The following VTI1A variants were observed in gnomAD, a reference collection of about 807,000 sequenced individuals.
The protein encoded by VTI1A is vesicle transport through interaction with t-SNAREs 1A, also known as vesicle transport through interaction with t-SNAREs homolog 1A.
VTI1A carries 22 observed loss-of-function variants against 34.9 expected under a neutral mutation model. That is an observed-to-expected ratio of 0.63 (90% CI 0.45 to 0.90). VTI1A has a LOEUF of 0.90. Among genes scored for constraint, VTI1A ranks in the 40% least tolerant of loss-of-function variants. The pLI is 0.00. For missense variants in VTI1A, 268 were observed against 275.6 expected (o/e 0.97, Z 0.20); for synonymous variants, 87 against 97.3 (o/e 0.89, Z 0.62).
chr10:112,514,647 C>T (rs1455577072), intron 3 of VTI1A, among the ~76,000 whole-genome samples: 1 of 151,854 alleles, frequency 6.6e-6, no homozygotes, highest in African/African-American at 2.4e-5. Context: ...ATAAACTCCC[C>T]TCTTAGGACT....
chr10:112,675,678 A>G (rs563257507), intron 7 of VTI1A, among the ~76,000 whole-genome samples: 2 of 152,354 alleles, frequency 1.3e-5, no homozygotes, highest in African/African-American at 2.4e-5. Flanking sequence ...GACAAGTGTC[A>G]TTGTTAGGAA....
the VTI1A span, among the ~76,000 whole-genome samples, chr10:112,836,263 GA>G: frequency 6.6e-6 from 1 of 152,164 alleles, no homozygotes; most frequent in African/African-American, 2.4e-5. Flanking sequence ...CTAAGTCTTT[GA>G]TTTCTTCACC....
intron 3 of VTI1A, among the ~76,000 whole-genome samples, chr10:112,490,252 C>T (rs1848773814): frequency 6.6e-6 from 1 of 152,066 alleles, no homozygotes; most frequent in Admixed American, 6.6e-5. Context: ...ACAACAACAA[C>T]AAAATAGTGA....
chr10:112,534,620 G>A (rs1850557842), intron 4 of VTI1A, among the ~76,000 whole-genome samples: 1 of 152,020 alleles, frequency 6.6e-6, no homozygotes, highest in African/African-American at 2.4e-5. Flanking sequence ...CTCAGAAAAA[G>A]TAATAATGAT....
intron 5 of VTI1A, among the ~76,000 whole-genome samples, chr10:112,608,352 C>T (rs546551704): frequency 5.3e-5 from 8 of 152,154 alleles, no homozygotes; most frequent in South Asian, 2.1e-4. Context: ...AAATAAAGTG[C>T]GATTTGTTTA....
chr10:112,447,807 G>T (rs1269922331), intron 1 of VTI1A, among the ~76,000 whole-genome samples: 1 of 152,152 alleles, frequency 6.6e-6, no homozygotes, highest in Non-Finnish European at 1.5e-5. Flanking sequence ...GAAAATGAAT[G>T]AAAGTATGTA....
chr10:112,783,401 GCACACACACACA>G (rs58560251), intron 7 of VTI1A, among the ~76,000 whole-genome samples: 3 of 150,310 alleles, frequency 2.0e-5, no homozygotes, highest in Non-Finnish European at 3.0e-5. Context: ...GCGTGCACGT[GCACACACACACA>G]CACACACACA....
chr10:112,728,755 A>G (rs554447471), intron 7 of VTI1A, among the ~76,000 whole-genome samples: 18 of 152,180 alleles, frequency 1.2e-4, no homozygotes, highest in Non-Finnish European at 2.4e-4. Flanking sequence ...CACTGCACCA[A>G]TGCCCTGACT....
At chr10:112,787,855 C>T (rs1278222422) in intron 7 of VTI1A, among the ~76,000 whole-genome samples, 2 of 151,132 alleles carry the variant, frequency 1.3e-5, no homozygotes, top group African/African-American at 4.8e-5. Flanking sequence ...TCACATGACA[C>T]CACACCCAGC....
chr10:112,700,906 TA>T (rs1212680154), intron 7 of VTI1A, among the ~76,000 whole-genome samples: 3 of 152,254 alleles, frequency 2.0e-5, no homozygotes, highest in Non-Finnish European at 4.4e-5. Flanking sequence ...CTACCCTGGC[TA>T]AATCTTCATG....
In VTI1A at chr10:112,511,248, T is replaced by G. The variant is rs565558398; in HGVS notation, c.265-15839T>G. Reference sequence around the variant, plus strand: ...AAATGTATGGGATACATGTGAGGTTTTTTTTTTTTTTTCTTTTTCAGAGTC... The same window carrying G: ...AAATGTATGGGATACATGTGAGGTTGTTTTTTTTTTTTCTTTTTCAGAGTC... On this transcript the variant is annotated intron_variant, in intron 3 of 7. Transcript: ENST00000393077. Among the ~76,000 whole-genome samples, 12 of 151,772 alleles carry G rather than the reference T, an allele frequency of 7.9e-5. No homozygotes were observed. The East Asian group carries it at 1.4e-3, about 17-fold the overall frequency.
At chr10:112,563,823 G>A (rs1851812994) in intron 5 of VTI1A, among the ~76,000 whole-genome samples, 2 of 152,142 alleles carry the variant, frequency 1.3e-5, no homozygotes, top group African/African-American at 4.8e-5. Flanking sequence ...TTTTAAAGCA[G>A]AATGATTCCT....
chr10:112,819,219 G>C (rs1293057618), downstream of VTI1A, among the ~76,000 whole-genome samples: 1 of 152,194 alleles, frequency 6.6e-6, no homozygotes, highest in African/African-American at 2.4e-5. Context: ...TGTCTACGTA[G>C]TGGAGAATTA....
intron 5 of VTI1A, among the ~76,000 whole-genome samples, chr10:112,656,621 G>A (rs977494174): frequency 2.1e-5 from 3 of 145,596 alleles, no homozygotes; most frequent in Non-Finnish European, 4.5e-5. Flanking sequence ...GATCTGCCTC[G>A]GCCTCCCAAA....
chr10:112,771,575 C>A (rs1851816508), intron 7 of VTI1A, among the ~76,000 whole-genome samples: 1 of 152,208 alleles, frequency 6.6e-6, no homozygotes, highest in Non-Finnish European at 1.5e-5. Flanking sequence ...ACCTACAATG[C>A]ACCCATTTAA....
chr10:112,738,538 C>T (rs376466917), intron 7 of VTI1A, among the ~76,000 whole-genome samples: 1 of 152,032 alleles, frequency 6.6e-6, no homozygotes, highest in Non-Finnish European at 1.5e-5. Flanking sequence ...AATGACTGGA[C>T]ATCTGAAATA....
intron 7 of VTI1A, among the ~76,000 whole-genome samples, chr10:112,695,403 T>TA (rs921110717): frequency 7.3e-5 from 11 of 150,730 alleles, no homozygotes; most frequent in Non-Finnish European, 1.5e-4. Context: ...GTATAAAGAT[T>TA]AAAAAAAAAG....
chr10:112,464,600 G>A lies in VTI1A; in HGVS notation c.207G>A (p.Met69Ile). 1.2e-6 allele frequency: 2 copies of A among 1,612,992 alleles called. No individual in the cohort carries two copies. Among genetic ancestry groups the A allele is most frequent in the South Asian group, 1.1e-5 (1 of 90,974 alleles). Residue 69 changes from methionine (M) to isoleucine (I), a missense_variant, in exon 3 of 8, where the codon ATG becomes ATA. Coordinates refer to ENST00000393077, the MANE Select transcript of VTI1A (RefSeq NM_145206.4). ...AGATACCACCCCAAAGTCGAGGGATGTACAGCAACAGAATGAGAAGCTACA... is the reference window on the plus strand; with the variant it reads ...AGATACCACCCCAAAGTCGAGGGATATACAGCAACAGAATGAGAAGCTACA... ...VREIPPQSRGMYSNRMRSYKQ... is the reference protein window; with the variant it reads ...VREIPPQSRGIYSNRMRSYKQ...
intron 7 of VTI1A, among the ~76,000 whole-genome samples, chr10:112,800,260 T>A (rs1190604898): frequency 6.6e-6 from 1 of 152,192 alleles, no homozygotes; most frequent in African/African-American, 2.4e-5. Context: ...GCAGAGGAGC[T>A]GAAGGCAGGG....
Sources: gnomAD v4.1 joint callset for allele counts (sites outside exome capture counted in the v4.1 genomes callset) on GRCh38, gnomAD v4.1.1 for gene constraint, MANE v1.5 for transcripts, NCBI Gene and HGNC (gene_info 2026-07-23, HGNC 2026-07-21) for gene names.